Variants in KCNIP4 observed in about 807,000 individuals in gnomAD.
KCNIP4 encodes the protein potassium voltage-gated channel interacting protein 4.
KCNIP4 carries 12 observed loss-of-function variants against 34.0 expected under a neutral mutation model. That is an observed-to-expected ratio of 0.35 (90% confidence interval 0.23 to 0.57). The LOEUF (loss-of-function observed/expected upper bound fraction) is 0.57. Among genes scored for constraint, KCNIP4 ranks in the 20% least tolerant of loss-of-function variants. The pLI is 0.83. For synonymous variants in KCNIP4, 124 were observed against 102.2 expected, an observed-to-expected ratio of 1.21 and a Z score of -1.29; for missense variants, 238 against 311.7, an observed-to-expected ratio of 0.76 and a Z score of 1.78.
At chr4:21,102,069 C>A (rs1327851735) in intron 1 of KCNIP4, among the ~76,000 whole-genome samples, 1 of 152,044 alleles carries the variant, frequency 6.6e-6, no homozygotes, top group African/African-American at 2.4e-5. Context: ...CTTTAGAGAC[C>A]CTCTTGGATA....
intron 1 of KCNIP4, among the ~76,000 whole-genome samples, chr4:21,346,136 A>G (rs1717306271): frequency 1.0e-5 from 1 of 95,554 alleles, no homozygotes; most frequent in South Asian, 3.2e-4. Context: ...ACACTGCCTG[A>G]GTGTGTATAT....
chr4:20,842,090 T>C (rs1719796970), intron 3 of KCNIP4, among the ~76,000 whole-genome samples: 1 of 152,194 alleles, frequency 6.6e-6, no homozygotes, highest in African/African-American at 2.4e-5. Flanking sequence ...TTTTTGCCCC[T>C]CTTTTCACTA....
intron 1 of KCNIP4, among the ~76,000 whole-genome samples, chr4:21,347,760 A>T (rs551912883): frequency 2.0e-5 from 3 of 152,294 alleles, no homozygotes; most frequent in Admixed American, 6.5e-5. Context: ...TTCCCCCTTC[A>T]TTCCTTCCTC....
At chr4:21,620,316 A>G (rs1248937711) in intron 1 of KCNIP4, among the ~76,000 whole-genome samples, 1 of 152,150 alleles carries the variant, frequency 6.6e-6, no homozygotes, top group Non-Finnish European at 1.5e-5. Flanking sequence ...AGCCTGGGCA[A>G]TGTGGCAAAA....
chr4:21,289,639 G>T (rs975075026), intron 1 of KCNIP4, among the ~76,000 whole-genome samples: 3 of 152,142 alleles, frequency 2.0e-5, no homozygotes, highest in Non-Finnish European at 4.4e-5. Context: ...TGCCTAGTAA[G>T]CCATTTAATG....
In KCNIP4 at chr4:21,355,973, C is replaced by T. The variant is rs541194044; in HGVS notation, c.62-473264G>A. ...TCCACCATGATCAAGTGGGCTTCATCGCTGGGATGCATGACTGGTTCAACA... is the reference window on the plus strand; with the variant it reads ...TCCACCATGATCAAGTGGGCTTCATTGCTGGGATGCATGACTGGTTCAACA... On this transcript the variant is annotated intron_variant, in intron 1 of 8. Transcript: ENST00000382152. Among the ~76,000 whole-genome samples, 32 of 152,262 alleles carry T rather than the reference C, an allele frequency of 2.1e-4. No individual in the cohort carries two copies. The South Asian group carries it at 5.4e-3, about 26-fold the overall frequency.
intron 1 of KCNIP4, among the ~76,000 whole-genome samples, chr4:21,513,514 A>G (rs1734504221): frequency 6.6e-6 from 1 of 152,192 alleles, no homozygotes. Flanking sequence ...TCAGAAAAAC[A>G]TGGGTTTGAA....
intron 1 of KCNIP4, chr4:21,303,945 G>C (rs372207755): frequency 1.2e-6 from 2 of 1,605,750 alleles, no homozygotes; most frequent in African/African-American, 1.3e-5. Context: ...CCACTGAGAA[G>C]TGCTCCTCTG....
intron 1 of KCNIP4, among the ~76,000 whole-genome samples, chr4:21,204,426 C>T (rs1362586101): frequency 2.0e-5 from 3 of 152,082 alleles, no homozygotes; most frequent in Non-Finnish European, 4.4e-5. Flanking sequence ...GTCAAAGGGG[C>T]TCTGTAAATC....
chr4:20,794,543 ATATTGTT>A (rs1713197529), intron 3 of KCNIP4, among the ~76,000 whole-genome samples: 1 of 152,214 alleles, frequency 6.6e-6, no homozygotes. Context: ...ATAGTAAACT[ATATTGTT>A]TATGGATGCA....
intron 1 of KCNIP4, among the ~76,000 whole-genome samples, chr4:21,262,434 T>C (rs984289401): frequency 3.3e-5 from 5 of 152,188 alleles, no homozygotes; most frequent in African/African-American, 1.2e-4. Context: ...TGGATTTGTA[T>C]CCCGCTTCAC....
At chr4:21,599,888 T>C (rs1391660936) in intron 1 of KCNIP4, among the ~76,000 whole-genome samples, 2 of 152,056 alleles carry the variant, frequency 1.3e-5, no homozygotes, top group Non-Finnish European at 2.9e-5. Flanking sequence ...TAGGGAGTAC[T>C]AAATATAAGA....
At chr4:21,829,220 T>C (rs974617575) in intron 1 of KCNIP4, among the ~76,000 whole-genome samples, 3 of 152,022 alleles carry the variant, frequency 2.0e-5, no homozygotes, top group East Asian at 1.9e-4. Flanking sequence ...GAAACTCCTC[T>C]ATTTATGATA....
intron 1 of KCNIP4, among the ~76,000 whole-genome samples, chr4:21,806,247 G>A (rs1475879823): frequency 3.3e-5 from 5 of 152,304 alleles, no homozygotes; most frequent in African/African-American, 4.8e-5. Context: ...ATTGTGTCAT[G>A]TAGCATCACA....
At chr4:21,702,731 T>A (rs1712957648) in intron 1 of KCNIP4, among the ~76,000 whole-genome samples, 1 of 152,120 alleles carries the variant, frequency 6.6e-6, no homozygotes, top group Non-Finnish European at 1.5e-5. Context: ...ACAAGAGTTA[T>A]ACTTCATAAT....
chr4:20,941,736 T>C (rs1731659061), intron 1 of KCNIP4, among the ~76,000 whole-genome samples: 1 of 152,228 alleles, frequency 6.6e-6, no homozygotes, highest in African/African-American at 2.4e-5. Context: ...TAGAGCTCAC[T>C]GACAAAACAG....
chr4:21,238,092 T>G (rs528111847), intron 1 of KCNIP4, among the ~76,000 whole-genome samples: 1 of 152,130 alleles, frequency 6.6e-6, no homozygotes, highest in Non-Finnish European at 1.5e-5. Flanking sequence ...AATCAATAAA[T>G]GTAATCCAGC....
chr4:21,183,291 T>C (rs1364832), intron 1 of KCNIP4, among the ~76,000 whole-genome samples: 19,511 of 152,154 alleles, frequency 0.13, 1,382 homozygotes, highest in East Asian at 0.19. Flanking sequence ...TTGTGAATAA[T>C]GCTGCAATGA....
chr4:21,272,780 TAC>T (rs1192064575), intron 1 of KCNIP4, among the ~76,000 whole-genome samples: 1 of 140,306 alleles, frequency 7.1e-6, no homozygotes, highest in Non-Finnish European at 1.6e-5. Context: ...AAATATTTTA[TAC>T]AGACTCTTCT....
Sources: gnomAD v4.1 joint callset for allele counts (sites outside exome capture counted in the v4.1 genomes callset) on GRCh38, gnomAD v4.1.1 for gene constraint, MANE v1.5 for transcripts, NCBI Gene and HGNC (gene_info 2026-07-23, HGNC 2026-07-21) for gene names.